Variants in KCNIP4 observed in about 807,000 individuals in gnomAD.
KCNIP4 encodes Kv channel-interacting protein 4.
Under a neutral mutation model 34.0 loss-of-function variants are expected in KCNIP4, and 12 were observed. The ratio of observed to expected loss-of-function variants is 0.35; its 90% CI spans 0.23 to 0.57. The LOEUF (loss-of-function observed/expected upper bound fraction) is 0.57. Ranked by LOEUF, KCNIP4 falls within the 20% of genes least tolerant of loss-of-function variation. KCNIP4 has a pLI of 0.83. For synonymous variants in KCNIP4, 124 were observed against 102.2 expected (o/e 1.21, Z -1.29); for missense variants, 238 against 311.7 (o/e 0.76, Z 1.78).
rs139090385 is a variant in KCNIP4, at chr4:21,476,340, C to T, written c.61+472231G>A. 7.3e-3 allele frequency among the ~76,000 whole-genome samples: 1,115 copies of T among 152,198 alleles called. 10 individuals carry two copies. The highest frequency in any genetic ancestry group is 0.024 in the African/African-American group (1,016 of 41,520). On this transcript the variant is annotated intron_variant, in intron 1 of 8. Coordinates refer to ENST00000382152, the MANE Select transcript of KCNIP4 (RefSeq NM_025221.6). Reference sequence around the variant, plus strand: ...TCCCTCGAATATCATATGTTGAAGCCGTAACCTCCAATGTGACTAAATGTG... The same window carrying T: ...TCCCTCGAATATCATATGTTGAAGCTGTAACCTCCAATGTGACTAAATGTG...
At chr4:20,910,332 A>C (rs910763947) in intron 1 of KCNIP4, among the ~76,000 whole-genome samples, 2 of 151,794 alleles carry the variant, frequency 1.3e-5, no homozygotes, top group South Asian at 2.1e-4. Flanking sequence ...GGAAGCTTTT[A>C]ATAATAATGT....
chr4:21,874,945 A>G (rs1201173881), intron 1 of KCNIP4, among the ~76,000 whole-genome samples: 1 of 152,098 alleles, frequency 6.6e-6, no homozygotes, highest in Non-Finnish European at 1.5e-5. Context: ...TGGTTCTCGA[A>G]CTCTTATTGC....
At chr4:21,576,289 T>C (rs1740736942) in intron 1 of KCNIP4, among the ~76,000 whole-genome samples, 1 of 152,158 alleles carries the variant, frequency 6.6e-6, no homozygotes, top group Admixed American at 6.5e-5. Flanking sequence ...GCATCTTTTA[T>C]GGGGTGAAAA....
chr4:21,673,777 C>T (rs2109012703), intron 1 of KCNIP4, among the ~76,000 whole-genome samples: 1 of 152,230 alleles, frequency 6.6e-6, no homozygotes, highest in East Asian at 1.9e-4. Context: ...AAACAGCCAA[C>T]TTTAAGCAAT....
chr4:21,244,620 A>G (rs1266886735), intron 1 of KCNIP4, among the ~76,000 whole-genome samples: 1 of 152,240 alleles, frequency 6.6e-6, no homozygotes, highest in African/African-American at 2.4e-5. Flanking sequence ...AAGCTGAGAC[A>G]TAGAATATTA....
intron 1 of KCNIP4, among the ~76,000 whole-genome samples, chr4:21,658,070 C>T (rs1467075787): frequency 2.6e-5 from 4 of 152,088 alleles, no homozygotes; most frequent in African/African-American, 9.7e-5. Context: ...AATCTCCTGA[C>T]CTTGTGATCC....
intron 1 of KCNIP4, among the ~76,000 whole-genome samples, chr4:21,143,466 G>A (rs1429024778): frequency 6.6e-6 from 1 of 152,086 alleles, no homozygotes; most frequent in African/African-American, 2.4e-5. Context: ...AGCTTGGAAG[G>A]AGATTCTTCC....
At chr4:21,076,934 C>T (rs1039527010) in intron 1 of KCNIP4, among the ~76,000 whole-genome samples, 2 of 152,038 alleles carry the variant, frequency 1.3e-5, no homozygotes, top group Admixed American at 1.3e-4. Context: ...TCCAGTCTGG[C>T]AAACATGGTG....
At chr4:21,586,386 C>T (rs1328858593) in intron 1 of KCNIP4, among the ~76,000 whole-genome samples, 5 of 151,996 alleles carry the variant, frequency 3.3e-5, no homozygotes, top group African/African-American at 1.2e-4. Flanking sequence ...GAGATGATGT[C>T]AGAGTTCCAG....
intron 1 of KCNIP4, among the ~76,000 whole-genome samples, chr4:21,580,206 G>T (rs1230115694): frequency 6.6e-6 from 1 of 152,048 alleles, no homozygotes; most frequent in Non-Finnish European, 1.5e-5. Flanking sequence ...TCTTTACTGA[G>T]CCATGACCTT....
rs150723431 is a variant in KCNIP4 at position 21,900,709 on chromosome 4, A to G, written c.61+47862T>C. Among the ~76,000 whole-genome samples, 1,330 of 152,350 alleles carry G rather than the reference A, an allele frequency of 8.7e-3. 15 individuals are homozygous for G. Among genetic ancestry groups the G allele is most frequent in the South Asian group, 0.034 (163 of 4,830 alleles). On this transcript the variant is annotated intron_variant, in intron 1 of 8. Coordinates refer to ENST00000382152, the MANE Select transcript of KCNIP4 (RefSeq NM_025221.6). ...TCTGATTGTATGTCTAGTCCCTAGG[A>G]ATAGTGTAAACATTGTTATGCTAGC...
intron 1 of KCNIP4, among the ~76,000 whole-genome samples, chr4:21,843,013 A>C (rs1723781576): frequency 6.6e-6 from 1 of 152,112 alleles, no homozygotes; most frequent in South Asian, 2.1e-4. Context: ...TTTCAGAATT[A>C]AAACTTTATT....
chr4:21,943,185 TC>T (rs1366536177), intron 1 of KCNIP4, among the ~76,000 whole-genome samples: 4 of 152,164 alleles, frequency 2.6e-5, no homozygotes, highest in Non-Finnish European at 4.4e-5. Context: ...ACAAATTATG[TC>T]CAGTGAATTC....
chr4:21,179,066 C>T (rs886422356), intron 1 of KCNIP4, among the ~76,000 whole-genome samples: 2 of 152,166 alleles, frequency 1.3e-5, no homozygotes, highest in African/African-American at 2.4e-5. Flanking sequence ...ATCCACCTGC[C>T]TTGGCCTCCC....
At chr4:21,436,597 T>C (rs1267180505) in intron 1 of KCNIP4, among the ~76,000 whole-genome samples, 2 of 152,206 alleles carry the variant, frequency 1.3e-5, no homozygotes, top group African/African-American at 4.8e-5. Flanking sequence ...TGGAGTTCTG[T>C]GAACTGAATT....
At chr4:21,753,870 G>A (rs1008461143) in intron 1 of KCNIP4, among the ~76,000 whole-genome samples, 3 of 152,070 alleles carry the variant, frequency 2.0e-5, no homozygotes, top group African/African-American at 2.4e-5. Flanking sequence ...GACTGCTACC[G>A]TGGAGATTCC....
At chr4:20,835,356 G>T (rs1718910584) in intron 3 of KCNIP4, among the ~76,000 whole-genome samples, 1 of 151,126 alleles carries the variant, frequency 6.6e-6, no homozygotes, top group African/African-American at 2.4e-5. Flanking sequence ...GCACTTAGGT[G>T]CTAGGGTACC....
At chr4:20,878,271 G>A (rs1397842621) in intron 2 of KCNIP4, among the ~76,000 whole-genome samples, 1 of 152,082 alleles carries the variant, frequency 6.6e-6, no homozygotes, top group Non-Finnish European at 1.5e-5. Context: ...TAAATACTTT[G>A]CATGGATTAT....
chr4:21,724,625 T>A (rs183949774), intron 1 of KCNIP4, among the ~76,000 whole-genome samples: 1 of 151,202 alleles, frequency 6.6e-6, no homozygotes, highest in Non-Finnish European at 1.5e-5. Flanking sequence ...CTGAAAAAAA[T>A]ACCGTATTTC....
Sources: allele counts gnomAD v4.1 joint callset (sites outside exome capture counted in the v4.1 genomes callset), GRCh38; gene constraint gnomAD v4.1.1; transcripts MANE v1.5; gene names NCBI Gene and HGNC (gene_info 2026-07-23, HGNC 2026-07-21).